The following ITPR2 variants were observed in gnomAD, a reference collection of about 807,000 sequenced individuals.
ITPR2 encodes inositol 1,4,5-trisphosphate receptor type 2.
ITPR2 carries 207 observed loss-of-function variants against 317.1 expected under a neutral mutation model. The observed-to-expected ratio is 0.65, with a 90% CI of 0.58 to 0.73. The LOEUF is 0.73. Among genes scored for constraint, ITPR2 ranks in the 30% least tolerant of loss-of-function variants. The pLI is 0.00. For missense variants in ITPR2, 2,613 were observed against 3,284.0 expected (o/e 0.80, Z 4.99); for synonymous variants, 1,156 against 1,149.1 (o/e 1.01, Z -0.12).
At chr12:26,698,346 G>A (rs1948387677) in intron 9 of ITPR2, among the ~76,000 whole-genome samples, 1 of 152,166 alleles carries the variant, frequency 6.6e-6, no homozygotes, top group African/African-American at 2.4e-5. Flanking sequence ...TAAACTAAAT[G>A]TGGCATATTC....
At chr12:26,565,852 G>A (rs1389401919) in intron 34 of ITPR2, among the ~76,000 whole-genome samples, 1 of 109,132 alleles carries the variant, frequency 9.2e-6, no homozygotes, top group Non-Finnish European at 1.9e-5. Flanking sequence ...GAGAGGAGAG[G>A]AGAGGAGAGG....
chr12:26,724,957 T>C (rs1334272748), intron 3 of ITPR2, among the ~76,000 whole-genome samples: 1 of 152,124 alleles, frequency 6.6e-6, no homozygotes, highest in Non-Finnish European at 1.5e-5. Context: ...TTCATCCAAG[T>C]ATTTGGAAAC....
At position 26,707,822 on chromosome 12, in the gene ITPR2, G is replaced by A. The variant is rs975498631; in HGVS notation, c.951+3351C>T. On this transcript the variant is annotated intron_variant, in intron 9 of 56. Coordinates refer to ENST00000381340, the MANE Select transcript of ITPR2 (RefSeq NM_002223.4). ...TGGGAATACAGATGTGAGCCACCGC[G>A]CCTGGCCAACCTGGGCATTTTTTGA... 4.6e-5 allele frequency among the ~76,000 whole-genome samples: 7 copies of A among 151,962 alleles called. No individual in the cohort carries two copies. In the East Asian group the frequency reaches 5.8e-4, roughly 13 times the overall value.
intron 34 of ITPR2, among the ~76,000 whole-genome samples, chr12:26,578,032 G>T (rs1398344512): frequency 6.6e-6 from 1 of 152,166 alleles, no homozygotes; most frequent in African/African-American, 2.4e-5. Context: ...GCTACAAACT[G>T]CCTTTCCCAA....
chr12:26,618,559 G>A (rs1214808769), intron 26 of ITPR2, among the ~76,000 whole-genome samples: 1 of 152,210 alleles, frequency 6.6e-6, no homozygotes, highest in Non-Finnish European at 1.5e-5. Context: ...AGGATAGGGA[G>A]CTAGAAGAAC....
chr12:26,370,354 T>C (rs1939147688), intron 55 of ITPR2, among the ~76,000 whole-genome samples: 1 of 152,164 alleles, frequency 6.6e-6, no homozygotes, highest in Non-Finnish European at 1.5e-5. Context: ...CCAGTTGGTG[T>C]CAGGATAGCA....
At chr12:26,621,059 GTGGTTA>G (rs1481346782) in intron 26 of ITPR2, 58 bp downstream of exon 26, 1 of 1,359,352 alleles carries the variant, frequency 7.4e-7, no homozygotes, top group Non-Finnish European at 1.0e-6. Context: ...TGTAGAGCAT[GTGGTTA>G]TATATCTGAC....
chr12:26,480,608 G>A (rs777221394), intron 43 of ITPR2, among the ~76,000 whole-genome samples: 9 of 152,092 alleles, frequency 5.9e-5, no homozygotes, highest in South Asian at 2.1e-4. Flanking sequence ...TTGGGAGGCC[G>A]AGGTGGGCAG....
At chr12:26,588,797 T>C (rs1945606382) in intron 32 of ITPR2, among the ~76,000 whole-genome samples, 1 of 152,234 alleles carries the variant, frequency 6.6e-6, no homozygotes, top group Non-Finnish European at 1.5e-5. Context: ...GATGGGATAC[T>C]GACATGACAG....
At chr12:26,402,017 T>C (rs1288912512) in intron 52 of ITPR2, among the ~76,000 whole-genome samples, 1 of 152,102 alleles carries the variant, frequency 6.6e-6, no homozygotes, top group East Asian at 1.9e-4. Flanking sequence ...GTAGGAGAAC[T>C]AGAACTCCTT....
intron 35 of ITPR2, among the ~76,000 whole-genome samples, chr12:26,560,616 A>G (rs905464782): frequency 6.6e-6 from 1 of 151,956 alleles, no homozygotes; most frequent in Admixed American, 6.6e-5. Flanking sequence ...TCTTCATTTC[A>G]TCCATATCAC....
chr12:26,630,392 T>G (rs1591979823), intron 22 of ITPR2, among the ~76,000 whole-genome samples: 5 of 125,398 alleles, frequency 4.0e-5, no homozygotes, highest in African/African-American at 1.2e-4. Flanking sequence ...AGAGAGAGAA[T>G]GAGAGAGAAA....
intron 32 of ITPR2, among the ~76,000 whole-genome samples, chr12:26,591,947 C>G (rs969520787): frequency 1.1e-4 from 17 of 152,190 alleles, no homozygotes; most frequent in African/African-American, 4.1e-4. Flanking sequence ...TATCTGCACT[C>G]CCATGTTTGT....
chr12:26,716,129 T>C lies in ITPR2; in HGVS notation c.624+15A>G, dbSNP rs745998904. On this transcript the variant is annotated intron_variant, in intron 6 of 56. Coordinates refer to ENST00000381340, the MANE Select transcript of ITPR2 (RefSeq NM_002223.4). ...GAAAAATGAACACATTCATTCCTTT[T>C]CCACTTGAACTTACCTCTTTACACC... The C allele has an allele frequency of 6.5e-7, 1 of 1,544,894 alleles. No homozygotes were observed. Among genetic ancestry groups the C allele is most frequent in the Non-Finnish European group, 8.9e-7 (1 of 1,119,628 alleles).
In ITPR2 at chr12:26,782,013, TATATATATATATATATATATGTATAG is replaced by T. The variant is rs1375032671; in HGVS notation, c.163+8118_163+8143del. Reference sequence around the variant, plus strand: ...CCCTGTATATATATATATATATATATATATATATATATATATATATGTATAGAGAGAGAGAGAGAGAGAGAGAGAGA... The same window carrying T: ...CCCTGTATATATATATATATATATATAGAGAGAGAGAGAGAGAGAGAGAGA... On this transcript the variant is annotated intron_variant, in intron 2 of 56. Coordinates refer to ENST00000381340, the MANE Select transcript of ITPR2 (RefSeq NM_002223.4). Among the ~76,000 whole-genome samples, 104 of 53,210 alleles carry T rather than the reference TATATATATATATATATATATGTATAG, an allele frequency of 2.0e-3. 1 individual carries two copies. Among genetic ancestry groups the T allele is most frequent in the Non-Finnish European group, 2.8e-3 (74 of 26,184 alleles). 34.9% of individuals were successfully genotyped at this position (53,210 alleles called of 152,430 possible).
At chr12:26,474,751 G>A (rs3928210) in intron 45 of ITPR2, among the ~76,000 whole-genome samples, 11 of 123,582 alleles carry the variant, frequency 8.9e-5, no homozygotes, top group East Asian at 2.5e-4. Context: ...CCGAGATCCC[G>A]CCACTGCACT....
At chr12:26,486,859 T>C in intron 40 of ITPR2, 2 of 685,062 alleles carry the variant, frequency 2.9e-6, no homozygotes, top group East Asian at 2.8e-5. Flanking sequence ...ATGCCGTTGG[T>C]TGCTTTGCAC....
chr12:26,776,248 T>C (rs12813373), intron 2 of ITPR2, among the ~76,000 whole-genome samples: 55,586 of 151,828 alleles, frequency 0.37, 12,662 homozygotes, highest in Non-Finnish European at 0.53. Context: ...TGACTCTATA[T>C]ATAATACCTT....
intron 45 of ITPR2, among the ~76,000 whole-genome samples, chr12:26,454,802 T>G (rs1038861261): frequency 6.6e-6 from 1 of 152,124 alleles, no homozygotes; most frequent in African/African-American, 2.4e-5. Context: ...TGACCTTTTA[T>G]GGTAGCACGT....
Sources: gnomAD v4.1 joint callset for allele counts (sites outside exome capture counted in the v4.1 genomes callset) on GRCh38, gnomAD v4.1.1 for gene constraint, MANE v1.5 for transcripts, NCBI Gene and HGNC (gene_info 2026-07-23, HGNC 2026-07-21) for gene names.